The following CBX1 variants were observed in gnomAD, a reference collection of about 807,000 sequenced individuals.
CBX1 encodes chromobox 1.
CBX1 carries 10 observed loss-of-function variants against 25.1 expected under a neutral mutation model. The observed-to-expected ratio is 0.40, with a 90% CI of 0.25 to 0.68. The LOEUF is 0.68. Among genes scored for constraint, CBX1 ranks in the 30% least tolerant of loss-of-function variants. The pLI is 0.40. For missense variants in CBX1, 106 were observed against 218.5 expected, an observed-to-expected ratio of 0.49 and a Z score of 3.25; for synonymous variants, 63 against 79.4, an observed-to-expected ratio of 0.79 and a Z score of 1.10.
At chr17:48,082,470 C>T (rs1414079956) in intron 1 of CBX1, among the ~76,000 whole-genome samples, 1 of 139,238 alleles carries the variant, frequency 7.2e-6, no homozygotes, top group Admixed American at 7.7e-5. Context: ...CCACTGCACT[C>T]CAGCCTGGGG....
At chr17:48,086,575 G>A (rs541502085) in intron 1 of CBX1, among the ~76,000 whole-genome samples, 20 of 152,322 alleles carry the variant, frequency 1.3e-4, no homozygotes, top group Non-Finnish European at 1.3e-4. Context: ...GTTGGTCAGG[G>A]CTGGGCATGA....
At chr17:48,082,476 TG>T (rs1314111073) in intron 1 of CBX1, among the ~76,000 whole-genome samples, 2 of 111,412 alleles carry the variant, frequency 1.8e-5, no homozygotes, top group African/African-American at 3.5e-5. Context: ...CACTCCAGCC[TG>T]GGGGACAGAG....
At chr17:48,101,209 C>A in intron 1 of CBX1, 59 bp downstream of exon 1, 1 of 930,780 alleles carries the variant, frequency 1.1e-6, no homozygotes, top group Non-Finnish European at 1.3e-6. Flanking sequence ...GCAGGGCTCC[C>A]GCCGCCGCCG....
intron 1 of CBX1, among the ~76,000 whole-genome samples, chr17:48,098,770 T>C (rs981920992): frequency 6.6e-6 from 1 of 152,230 alleles, no homozygotes; most frequent in Non-Finnish European, 1.5e-5. Flanking sequence ...AAAGAACCTA[T>C]GAAGTGAAAA....
chr17:48,077,454 GTTTTTTTTT>G (rs1555577819), intron 1 of CBX1, among the ~76,000 whole-genome samples: 1 of 131,592 alleles, frequency 7.6e-6, no homozygotes. Flanking sequence ...TGTTTTTTTT[GTTTTTTTTT>G]TTTTAGTAGA....
intron 1 of CBX1, among the ~76,000 whole-genome samples, chr17:48,083,621 G>C (rs1325594605): frequency 6.7e-6 from 1 of 150,300 alleles, no homozygotes; most frequent in Non-Finnish European, 1.5e-5. Context: ...TCAGGAGTTC[G>C]AGACCAGCCT....
In CBX1 at chr17:48,074,884, A is replaced by G. The variant is rs2037659561; in HGVS notation, c.413+122T>C. 2.0e-5 allele frequency: 15 copies of G among 767,406 alleles called. No individual in the cohort carries two copies. The South Asian group carries it at 2.3e-4, about 12-fold the overall frequency. 47.5% of individuals were successfully genotyped at this position (767,406 alleles called of 1,614,324 possible). A position where few individuals can be genotyped will look rare whatever the true frequency, so the allele number is the denominator to read the frequency against. On this transcript the variant is annotated intron_variant, in intron 4 of 4. Coordinates refer to ENST00000225603, the MANE Select transcript of CBX1 (RefSeq NM_001127228.2). ...GGCCGAGGGTCACTATCGAAGGACT[A>G]TGCCATCTTAACAATTTCACACTTG...
chr17:48,098,520 A>G (rs1395755378), intron 1 of CBX1, among the ~76,000 whole-genome samples: 1 of 152,146 alleles, frequency 6.6e-6, no homozygotes, highest in Non-Finnish European at 1.5e-5. Flanking sequence ...TTTTTGAGAC[A>G]GAGTTTCGCT....
Position 48,070,469 on chromosome 17 carries a change from A to G in CBX1, c.*966T>C, listed in dbSNP as rs1454702990. On this transcript the variant is annotated 3_prime_UTR_variant, in exon 5 of 5. Coordinates refer to ENST00000225603, the MANE Select transcript of CBX1 (RefSeq NM_001127228.2). ...GTAAACGGCTCCAAGAGTTTTCCCCACTAAGAGCATGGGCCCTTGTCTTTC... is the reference window on the plus strand; with the variant it reads ...GTAAACGGCTCCAAGAGTTTTCCCCGCTAAGAGCATGGGCCCTTGTCTTTC... 1 of 152,588 alleles carries G rather than the reference A, an allele frequency of 6.6e-6. No individual in the cohort carries two copies. The highest frequency in any genetic ancestry group is 2.4e-5 in the African/African-American group (1 of 41,440). 9.5% of individuals were successfully genotyped at this position (152,588 alleles called of 1,614,324 possible).
intron 1 of CBX1, among the ~76,000 whole-genome samples, chr17:48,085,922 A>T (rs1328650031): frequency 6.6e-6 from 1 of 152,110 alleles, no homozygotes; most frequent in Non-Finnish European, 1.5e-5. Context: ...CAAAAAAAAT[A>T]GGCTGGTCAC....
At chr17:48,085,675 G>A (rs921990305) in intron 1 of CBX1, among the ~76,000 whole-genome samples, 1 of 152,040 alleles carries the variant, frequency 6.6e-6, no homozygotes, top group Non-Finnish European at 1.5e-5. Flanking sequence ...GCAGTCTTTT[G>A]AGTCTTTTAA....
At chr17:48,072,119 C>A (rs1244802590) in intron 4 of CBX1, among the ~76,000 whole-genome samples, 1 of 151,878 alleles carries the variant, frequency 6.6e-6, no homozygotes, top group Non-Finnish European at 1.5e-5. Flanking sequence ...GCCTCAGCCT[C>A]CCCTAATAGC....
At chr17:48,098,999 T>G (rs1003305928) in intron 1 of CBX1, among the ~76,000 whole-genome samples, 4 of 152,238 alleles carry the variant, frequency 2.6e-5, no homozygotes, top group African/African-American at 7.2e-5. Context: ...GTTATAGGTA[T>G]CCTGTATTCA....
At chr17:48,086,825 G>A (rs1453045277) in intron 1 of CBX1, among the ~76,000 whole-genome samples, 1 of 151,978 alleles carries the variant, frequency 6.6e-6, no homozygotes, top group African/African-American at 2.4e-5. Context: ...TCACACCACT[G>A]CACTCCAGCC....
intron 1 of CBX1, among the ~76,000 whole-genome samples, chr17:48,091,956 G>C (rs1391675772): frequency 6.7e-6 from 1 of 148,982 alleles, no homozygotes; most frequent in African/African-American, 2.5e-5. Flanking sequence ...TCAGGTTACA[G>C]GCGTGAGCCA....
Position 48,071,542 on chromosome 17 carries a change from C to A in CBX1, c.451G>T (p.Glu151Ter). ...SDEADLVPAK[E>*]ANVKCPQVVI... Reference sequence around the variant, plus strand: ...ACCTGTGGGCACTTGACATTGGCTTCCTTGGCAGGGACCAGGTCAGCCTCA... The same window carrying A: ...ACCTGTGGGCACTTGACATTGGCTTACTTGGCAGGGACCAGGTCAGCCTCA... Residue 151 changes from glutamate to a stop codon, truncating the protein, a stop_gained, in exon 5 of 5, where the codon GAA (glutamate) becomes TAA (stop). Coordinates refer to ENST00000225603, the MANE Select transcript of CBX1 (RefSeq NM_001127228.2). LOFTEE classifies it high-confidence loss of function. 6.2e-7 allele frequency: 1 copy of A among 1,613,140 alleles called. No individual in the cohort carries two copies. Among genetic ancestry groups the A allele is most frequent in the Non-Finnish European group, 8.5e-7 (1 of 1,179,486 alleles).
chr17:48,079,718 C>T (rs1479962148), intron 1 of CBX1, among the ~76,000 whole-genome samples: 2 of 152,074 alleles, frequency 1.3e-5, no homozygotes, highest in Admixed American at 6.6e-5. Flanking sequence ...TTGTTTCAAA[C>T]TCCCAGGCTC....
Position 48,089,642 on chromosome 17 carries a change from G to T in CBX1, c.-38+11626C>A, listed in dbSNP as rs570787644. Reference sequence around the variant, plus strand: ...AGTTTGATACCAGCTTGACCTACATGGTGAGAGCCCATCCCTACTAAAAAT... The same window carrying T: ...AGTTTGATACCAGCTTGACCTACATTGTGAGAGCCCATCCCTACTAAAAAT... On this transcript the variant is annotated intron_variant, in intron 1 of 4. Transcript: ENST00000225603. Among the ~76,000 whole-genome samples the T allele has an allele frequency of 9.3e-4, 136 of 145,900 alleles. 5 individuals are homozygous for T. The Admixed American group carries it at 9.4e-3, about 10-fold the overall frequency.
At chr17:48,087,222 C>A (rs956101628) in intron 1 of CBX1, among the ~76,000 whole-genome samples, 8 of 149,412 alleles carry the variant, frequency 5.4e-5, no homozygotes, top group Non-Finnish European at 1.2e-4. Context: ...CAGAGGAAAG[C>A]GAACTCTGAG....
Sources: gnomAD v4.1 joint callset for allele counts (sites outside exome capture counted in the v4.1 genomes callset) on GRCh38, gnomAD v4.1.1 for gene constraint, MANE v1.5 for transcripts, NCBI Gene and HGNC (gene_info 2026-07-23, HGNC 2026-07-21) for gene names.